Variants in ZNF804B observed in about 807,000 individuals in gnomAD.
The protein encoded by ZNF804B is zinc finger 804B.
In ZNF804B, 80 loss-of-function variants were observed where a neutral mutation model predicts 101.4. That is an observed-to-expected ratio of 0.79 (90% CI 0.66 to 0.95). The LOEUF is 0.95. ZNF804B is among the 40% of genes least tolerant of loss of function. The pLI is 0.00. For synonymous variants in ZNF804B, 622 were observed against 558.8 expected (o/e 1.11, Z -1.59); for missense variants, 1,673 against 1,561.9 (o/e 1.07, Z -1.20).
chr7:89,021,047 C>A (rs184373450), intron 1 of ZNF804B, among the ~76,000 whole-genome samples: 16 of 152,120 alleles, frequency 1.1e-4, no homozygotes, highest in Admixed American at 9.2e-4. Flanking sequence ...CTGAGGCATC[C>A]CTACACTGAT....
In ZNF804B at chr7:88,983,484, C is replaced by T. The variant is rs114923356; in HGVS notation, c.108+223400C>T. ...CTAGTTTGGGAATCACTCTTTGAAA[C>T]CACCATGTGTAGATACTACACTGTC... On this transcript the variant is annotated intron_variant, in intron 1 of 3. Transcript: ENST00000333190. Among the ~76,000 whole-genome samples, 582 of 152,066 alleles carry T rather than the reference C, an allele frequency of 3.8e-3. 7 individuals are homozygous for T. Among genetic ancestry groups the T allele is most frequent in the African/African-American group, 0.013 (551 of 41,494 alleles).
intron 1 of ZNF804B, among the ~76,000 whole-genome samples, chr7:88,816,308 G>C (rs564239337): frequency 6.6e-6 from 1 of 152,240 alleles, no homozygotes; most frequent in East Asian, 1.9e-4. Flanking sequence ...ATACCATTCA[G>C]GATATAGGCA....
chr7:89,273,316 A>G (rs1173532582), intron 2 of ZNF804B, among the ~76,000 whole-genome samples: 3 of 141,606 alleles, frequency 2.1e-5, no homozygotes, highest in African/African-American at 7.6e-5. Context: ...AAGGAAGACA[A>G]TAAGCTTTCT....
intron 1 of ZNF804B, among the ~76,000 whole-genome samples, chr7:88,869,065 G>GT: frequency 6.6e-6 from 1 of 151,966 alleles, no homozygotes; most frequent in African/African-American, 2.4e-5. Flanking sequence ...TATTTAGTCT[G>GT]TTTTTTTAAA....
chr7:88,950,598 TG>T (rs1793203830), intron 1 of ZNF804B, among the ~76,000 whole-genome samples: 1 of 151,912 alleles, frequency 6.6e-6, no homozygotes, highest in South Asian at 2.1e-4. Flanking sequence ...TGTAAGTCTT[TG>T]TATACAAACA....
At chr7:88,805,531 C>A (rs577837480) in intron 1 of ZNF804B, among the ~76,000 whole-genome samples, 72 of 152,278 alleles carry the variant, frequency 4.7e-4, no homozygotes, top group African/African-American at 1.6e-3. Flanking sequence ...ACTGTACCTA[C>A]TAACACTAGC....
At chr7:89,328,308 C>T (rs1037361977) in intron 3 of ZNF804B, among the ~76,000 whole-genome samples, 22 of 151,426 alleles carry the variant, frequency 1.5e-4, no homozygotes, top group African/African-American at 5.1e-4. Context: ...TTTTGTAGGA[C>T]CAATTATGAG....
intron 1 of ZNF804B, among the ~76,000 whole-genome samples, chr7:89,152,804 GT>G (rs1024073859): frequency 1.9e-4 from 29 of 151,878 alleles, no homozygotes; most frequent in Non-Finnish European, 4.4e-5. Context: ...TGACATCTTT[GT>G]GCATAACCTG....
At chr7:89,030,618 C>G (rs1418235433) in intron 1 of ZNF804B, among the ~76,000 whole-genome samples, 1 of 152,044 alleles carries the variant, frequency 6.6e-6, no homozygotes, top group Non-Finnish European at 1.5e-5. Context: ...TTTTTTTGGT[C>G]CAGCCTCATC....
chr7:88,938,586 C>A (rs761677543), intron 1 of ZNF804B, among the ~76,000 whole-genome samples: 29 of 151,952 alleles, frequency 1.9e-4, no homozygotes, highest in South Asian at 1.0e-3. Context: ...GGGCATGACT[C>A]CCCAGTCTCT....
At chr7:88,856,280 C>A (rs1025040802) in intron 1 of ZNF804B, among the ~76,000 whole-genome samples, 3 of 152,018 alleles carry the variant, frequency 2.0e-5, no homozygotes, top group Non-Finnish European at 2.9e-5. Context: ...CTTTTATTTC[C>A]TTGAGCAGTG....
chr7:89,258,074 A>G (rs1789661734), intron 2 of ZNF804B, among the ~76,000 whole-genome samples: 1 of 152,132 alleles, frequency 6.6e-6, no homozygotes, highest in Non-Finnish European at 1.5e-5. Context: ...CATATTTGGA[A>G]AAAAATACAA....
chr7:89,171,285 G>GCTGCTTCTT (rs1163871635), intron 1 of ZNF804B, among the ~76,000 whole-genome samples: 2 of 64,638 alleles, frequency 3.1e-5, no homozygotes, highest in Non-Finnish European at 7.6e-5. Flanking sequence ...TAATGCTGCT[G>GCTGCTTCTT]CTGCTTCTTC....
chr7:89,270,394 T>C (rs1789873554), intron 2 of ZNF804B, among the ~76,000 whole-genome samples: 1 of 152,086 alleles, frequency 6.6e-6, no homozygotes, highest in Non-Finnish European at 1.5e-5. Flanking sequence ...GTTATTATTT[T>C]TGAGGGCTCT....
chr7:89,136,691 C>G (rs551530702), intron 1 of ZNF804B, among the ~76,000 whole-genome samples: 1 of 151,712 alleles, frequency 6.6e-6, no homozygotes, highest in African/African-American at 2.4e-5. Context: ...TAGGATGTAT[C>G]AGAATTTTTT....
intron 2 of ZNF804B, among the ~76,000 whole-genome samples, chr7:89,292,865 G>A (rs1790319256): frequency 6.6e-6 from 1 of 151,684 alleles, no homozygotes; most frequent in African/African-American, 2.4e-5. Context: ...ATCTGAAATA[G>A]CATCAAAAAA....
chr7:89,336,057 T>C lies in ZNF804B; in HGVS notation c.3075T>C (p.His1025=), dbSNP rs767295577. The C allele has an allele frequency of 1.7e-5, 27 of 1,613,962 alleles. No individual in the cohort carries two copies. The South Asian group carries it at 2.5e-4, about 15-fold the overall frequency. ...TILADTDCDN[H]LSKGIIHLVT... ...TAGCAGACACTGATTGTGATAACCA[T>C]CTTTCTAAAGGTATAATTCACCTAG... The change falls in exon 4 of 4, where the codon CAT becomes CAC. Residue 1025 remains histidine, a synonymous_variant. Transcript: ENST00000333190.
At position 88,885,368 on chromosome 7, in the gene ZNF804B, A is replaced by G. The variant is rs1391946074; in HGVS notation, c.108+125284A>G. 2.1e-4 allele frequency among the ~76,000 whole-genome samples: 32 copies of G among 151,698 alleles called. 1 individual carries two copies. In the Admixed American group the frequency reaches 2.1e-3, roughly 10 times the overall value. Reference sequence around the variant, plus strand: ...AATTTATCTTTTCTCATAGAACAATACCGGGTTTTCTCTGTGACTGCTGCT... The same window carrying G: ...AATTTATCTTTTCTCATAGAACAATGCCGGGTTTTCTCTGTGACTGCTGCT... On this transcript the variant is annotated intron_variant, in intron 1 of 3. Transcript: ENST00000333190.
At chr7:88,871,765 A>T (rs1452160830) in intron 1 of ZNF804B, among the ~76,000 whole-genome samples, 7 of 152,242 alleles carry the variant, frequency 4.6e-5, no homozygotes, top group African/African-American at 1.4e-4. Context: ...GGAGTTCGAG[A>T]CCAGCCTGAC....
Sources: allele counts gnomAD v4.1 joint callset (sites outside exome capture counted in the v4.1 genomes callset), GRCh38; gene constraint gnomAD v4.1.1; transcripts MANE v1.5; gene names NCBI Gene and HGNC (gene_info 2026-07-23, HGNC 2026-07-21).